The following TSPAN2 variants were observed in gnomAD, a reference collection of about 807,000 sequenced individuals.
TSPAN2 encodes the protein tetraspanin-2.
TSPAN2 carries 24 observed loss-of-function variants against 33.3 expected under a neutral mutation model. The ratio of observed to expected loss-of-function variants is 0.72; its 90% CI spans 0.52 to 1.01. The LOEUF is 1.01. TSPAN2 is among the 50% of genes least tolerant of loss of function. The probability of loss-of-function intolerance (pLI) is 0.00; values close to 1 mark genes in which losing one functional copy is unlikely to be tolerated. For missense variants in TSPAN2, 278 were observed against 281.3 expected (o/e 0.99, Z 0.08); for synonymous variants, 114 against 104.5 (o/e 1.09, Z -0.56).
At chr1:115,058,195 C>T (rs1460137792) in intron 5 of TSPAN2, 3 of 155,480 alleles carry the variant, frequency 1.9e-5, no homozygotes, top group Non-Finnish European at 2.8e-5. Context: ...GGCCACTTTC[C>T]AAGACATACT....
chr1:115,077,816 C>A (rs146542934), intron 1 of TSPAN2, among the ~76,000 whole-genome samples: 1 of 152,214 alleles, frequency 6.6e-6, no homozygotes, highest in Non-Finnish European at 1.5e-5. Context: ...GCAGGCGCTG[C>A]GGTTGGAGTG....
rs1675215330 is a variant in TSPAN2, at chr1:115,048,339, G to T, written c.*2151C>A. On this transcript the variant is annotated 3_prime_UTR_variant, in exon 8 of 8. Coordinates refer to ENST00000369516, the MANE Select transcript of TSPAN2 (RefSeq NM_005725.6). ...TATATATATATTCATCTTTCTGTGT[G>T]TGTGTGTATATATATCCACACACAC... is the stretch of plus-strand genomic sequence containing the variant. The T allele has an allele frequency of 6.7e-6, 1 of 150,120 alleles. No individual in the cohort carries two copies. Among genetic ancestry groups the T allele is most frequent in the East Asian group, 1.9e-4 (1 of 5,138 alleles). 9.3% of individuals were successfully genotyped at this position (150,120 alleles called of 1,614,324 possible). A position where few individuals can be genotyped will look rare whatever the true frequency, so the allele number is the denominator to read the frequency against.
At chr1:115,063,044 C>T (rs745475206) in intron 2 of TSPAN2, among the ~76,000 whole-genome samples, 4 of 152,212 alleles carry the variant, frequency 2.6e-5, no homozygotes, top group Non-Finnish European at 5.9e-5. Context: ...CACCTCCTCC[C>T]TTTCCCTTTT....
At chr1:115,052,702 G>C (rs1336551709) in intron 7 of TSPAN2, among the ~76,000 whole-genome samples, 1 of 152,216 alleles carries the variant, frequency 6.6e-6, no homozygotes, top group Non-Finnish European at 1.5e-5. Context: ...TGGTCTGGAT[G>C]CACTACGCTT....
At chr1:115,057,092 C>A (rs1262726033) in intron 6 of TSPAN2, among the ~76,000 whole-genome samples, 1 of 152,186 alleles carries the variant, frequency 6.6e-6, no homozygotes, top group Non-Finnish European at 1.5e-5. Context: ...GAGCCACAAA[C>A]CAGATTTTCC....
intron 6 of TSPAN2, 26 bp from the exon 7 acceptor site, chr1:115,053,488 A>G (rs372296606): frequency 1.3e-6 from 2 of 1,586,590 alleles, no homozygotes; most frequent in African/African-American, 1.3e-5. Flanking sequence ...AAAGTCGGGA[A>G]TAAAAACTGA....
intron 5 of TSPAN2, 27 bp from the exon 6 acceptor site, chr1:115,057,635 G>C (rs1359476390): frequency 1.2e-6 from 2 of 1,610,682 alleles, no homozygotes; most frequent in African/African-American, 2.7e-5. Flanking sequence ...GAGACTTCAG[G>C]ACCAGGCGGG....
intron 2 of TSPAN2, among the ~76,000 whole-genome samples, chr1:115,065,539 G>A (rs1570972819): frequency 6.6e-6 from 1 of 152,126 alleles, no homozygotes; most frequent in Non-Finnish European, 1.5e-5. Flanking sequence ...AGTGATCTCT[G>A]TGACATGCTA....
chr1:115,085,701 T>C (rs1382041655), intron 1 of TSPAN2, among the ~76,000 whole-genome samples: 1 of 152,170 alleles, frequency 6.6e-6, no homozygotes, highest in Non-Finnish European at 1.5e-5. Context: ...AGTGGGGCTT[T>C]TCTGGAATCA....
chr1:115,077,308 TA>T (rs953159906), intron 1 of TSPAN2, among the ~76,000 whole-genome samples: 2 of 141,852 alleles, frequency 1.4e-5, no homozygotes, highest in Non-Finnish European at 3.0e-5. Flanking sequence ...TGCCAACTGT[TA>T]AAAAGAGGAC....
chr1:115,071,132 GCCCAGGCCCCTC>G (rs1256739530), intron 2 of TSPAN2, among the ~76,000 whole-genome samples: 1 of 152,110 alleles, frequency 6.6e-6, no homozygotes, highest in African/African-American at 2.4e-5. Flanking sequence ...CCTATGGGGA[GCCCAGGCCCCTC>G]CCCAGGCCCA....
At chr1:115,083,484 T>G (rs1434105498) in intron 1 of TSPAN2, among the ~76,000 whole-genome samples, 1 of 152,178 alleles carries the variant, frequency 6.6e-6, no homozygotes, top group East Asian at 1.9e-4. Context: ...CACACCCTGC[T>G]TCAGTCAGAA....
At chr1:115,083,071 C>G (rs1187429172) in intron 1 of TSPAN2, among the ~76,000 whole-genome samples, 2 of 152,174 alleles carry the variant, frequency 1.3e-5, no homozygotes, top group Admixed American at 1.3e-4. Context: ...CAAGGTAACC[C>G]GAGTTAATTC....
rs560880376 is a variant in TSPAN2 at position 115,069,874 on chromosome 1, G to T, written c.172+3031C>A. Among the ~76,000 whole-genome samples, 128 of 152,328 alleles carry T rather than the reference G, an allele frequency of 8.4e-4. 2 individuals are homozygous for T. Among genetic ancestry groups the T allele is most frequent in the African/African-American group, 2.9e-3 (122 of 41,566 alleles). The stretch of plus-strand genomic sequence containing the variant: ...CTCTGGCTCAACACAGGAATCTCCT[G>T]AATGAAACACACAATTCTGATTCTT... On this transcript the variant is annotated intron_variant, in intron 2 of 7. Transcript: ENST00000369516.
intron 2 of TSPAN2, among the ~76,000 whole-genome samples, chr1:115,069,833 G>A (rs1392874553): frequency 1.3e-5 from 2 of 152,234 alleles, no homozygotes; most frequent in Admixed American, 1.3e-4. Flanking sequence ...GAATGTGGGT[G>A]TAGAGCCAGT....
At position 115,049,463 on chromosome 1, in the gene TSPAN2, C is replaced by T. The variant is rs1419130729; in HGVS notation, c.*1027G>A. The T allele has an allele frequency of 3.3e-5, 5 of 152,440 alleles. No individual in the cohort carries two copies. 9.4% of individuals were successfully genotyped at this position (152,440 alleles called of 1,614,324 possible). On this transcript the variant is annotated 3_prime_UTR_variant, in exon 8 of 8. Coordinates refer to ENST00000369516, the MANE Select transcript of TSPAN2 (RefSeq NM_005725.6). The stretch of plus-strand genomic sequence containing the variant: ...AATCTATGAAGAATTCTCTAGGTGG[C>T]TATACAAGAAAAATACAAAAAGTTA...
At chr1:115,057,430 A>G in intron 6 of TSPAN2, 107 bp downstream of exon 6, 3 of 1,091,274 alleles carry the variant, frequency 2.7e-6, no homozygotes, top group Non-Finnish European at 2.8e-6. Context: ...CTGCCACTAG[A>G]GCAAATTCAG....
intron 5 of TSPAN2, among the ~76,000 whole-genome samples, chr1:115,057,833 G>T (rs958116432): frequency 6.6e-6 from 1 of 152,242 alleles, no homozygotes; most frequent in Non-Finnish European, 1.5e-5. Context: ...GATGGGAAGT[G>T]ACTCAAGGCA....
At chr1:115,080,535 A>G (rs113653057) in intron 1 of TSPAN2, among the ~76,000 whole-genome samples, 1,672 of 152,270 alleles carry the variant, frequency 0.011, 22 homozygotes, top group African/African-American at 0.038. Context: ...TCAGCCTCCC[A>G]AAGTGCTGGG....
Sources: gnomAD v4.1 joint callset for allele counts (sites outside exome capture counted in the v4.1 genomes callset) on GRCh38, gnomAD v4.1.1 for gene constraint, MANE v1.5 for transcripts, NCBI Gene and HGNC (gene_info 2026-07-23, HGNC 2026-07-21) for gene names.